CIAPIN1: variants seen among roughly 807,000 people sequenced by gnomAD.
The protein encoded by CIAPIN1 is cytokine induced apoptosis inhibitor 1, also known as anamorsin.
CIAPIN1 carries 18 observed loss-of-function variants against 34.3 expected under a neutral mutation model. That is an observed-to-expected ratio of 0.52 (90% CI 0.36 to 0.78). The LOEUF (loss-of-function observed/expected upper bound fraction) is 0.78, where lower values mean the gene tolerates loss of function less well. CIAPIN1 is among the 30% of genes least tolerant of loss of function. The pLI, the probability that CIAPIN1 is intolerant of heterozygous loss-of-function variation, is 0.00. For missense variants in CIAPIN1, 310 were observed against 372.5 expected (o/e 0.83, Z 1.38); for synonymous variants, 131 against 140.4 (o/e 0.93, Z 0.47).
intron 1 of CIAPIN1, among the ~76,000 whole-genome samples, chr16:57,443,136 T>G (rs1301735652): frequency 6.7e-6 from 1 of 148,510 alleles, no homozygotes; most frequent in East Asian, 1.9e-4. Context: ...TGGTTTTGTT[T>G]TTTTTTTTTT....
intron 1 of CIAPIN1, among the ~76,000 whole-genome samples, 174 bp downstream of exon 1, chr16:57,447,168 T>G (rs2030116849): frequency 6.6e-6 from 1 of 152,026 alleles, no homozygotes; most frequent in Non-Finnish European, 1.5e-5. Context: ...CCCTGGCCCC[T>G]CACACCGACT....
chr16:57,429,464 CA>C (rs1432423621), intron 8 of CIAPIN1, among the ~76,000 whole-genome samples, 184 bp from the exon 9 acceptor site: 1 of 152,066 alleles, frequency 6.6e-6, no homozygotes, highest in East Asian at 1.9e-4. Flanking sequence ...AAACTATAGT[CA>C]TGAAAAGTTC....
intron 1 of CIAPIN1, among the ~76,000 whole-genome samples, chr16:57,444,325 A>C (rs2029972014): frequency 6.6e-6 from 1 of 152,252 alleles, no homozygotes. Context: ...AGATAAAAAT[A>C]AGCAAGGCAC....
chr16:57,442,881 T>C (rs2029900812), intron 1 of CIAPIN1, among the ~76,000 whole-genome samples: 1 of 152,158 alleles, frequency 6.6e-6, no homozygotes, highest in South Asian at 2.1e-4. Flanking sequence ...TGGCTCTACC[T>C]GTATCTCCCA....
chr16:57,431,183 C>T lies in CIAPIN1; in HGVS notation c.714G>A (p.Gly238=), dbSNP rs1244022706. The change falls in exon 7 of 9, where the codon GGG becomes GGA. Residue 238 remains glycine, a synonymous_variant. Transcript: ENST00000394391. ...TACAGGCCTTCCTCTTTTTCCCTTC[C>T]CCACAAGAAGCAGCCCGCAGGGAAG... The part of the protein sequence containing the change: ...DPASLRAASC[G]EGKKRKACKN... 1 of 1,613,694 alleles carries T rather than the reference C, an allele frequency of 6.2e-7. No homozygotes were observed. Among genetic ancestry groups the T allele is most frequent in the Admixed American group, 1.7e-5 (1 of 60,006 alleles).
In CIAPIN1 at chr16:57,440,983, A is replaced by G; in HGVS notation, c.-55T>C. On this transcript the variant is annotated splice_region_variant and 5_prime_UTR_variant, in exon 2 of 9. Transcript: ENST00000394391. ...AACTGCTGGCCAAAAGGGAATCAAGACTGGGCAGAGACAAAGTGCAATTTA... is the reference window on the plus strand; with the variant it reads ...AACTGCTGGCCAAAAGGGAATCAAGGCTGGGCAGAGACAAAGTGCAATTTA... 6.4e-7 allele frequency: 1 copy of G among 1,566,340 alleles called. No homozygotes were observed. The highest frequency in any genetic ancestry group is 8.7e-7 in the Non-Finnish European group (1 of 1,154,428).
Position 57,429,187 on chromosome 16 carries a change from T to TG in CIAPIN1, c.921dup (p.Asn308GlnfsTer4). The TG allele has an allele frequency of 3.1e-6, 5 of 1,612,342 alleles. No homozygotes were observed. The highest frequency in any genetic ancestry group is 4.2e-6 in the Non-Finnish European group (5 of 1,179,632). ...GGAACCTCCTAGGCATCATGAAGATTGCTATCACTCAGAAGCACCTTTTCC... is the reference window on the plus strand; with the variant it reads ...GGAACCTCCTAGGCATCATGAAGATTGGCTATCACTCAGAAGCACCTTTTCC... On this transcript the variant is annotated frameshift_variant, in exon 9 of 9. Transcript: ENST00000394391. LOFTEE classifies it high-confidence loss of function.
At chr16:57,430,088 A>C (rs1903052725) in intron 8 of CIAPIN1, among the ~76,000 whole-genome samples, 170 bp downstream of exon 8, 1 of 151,670 alleles carries the variant, frequency 6.6e-6, no homozygotes, top group Admixed American at 6.6e-5. Flanking sequence ...ACGCTAACCC[A>C]CTCTCACTCT....
chr16:57,436,743 G>C lies in CIAPIN1; in HGVS notation c.311-11C>G. 3 of 1,610,472 alleles carry C rather than the reference G, an allele frequency of 1.9e-6. No individual in the cohort carries two copies. Among genetic ancestry groups the C allele is most frequent in the Non-Finnish European group, 2.5e-6 (3 of 1,177,262 alleles). ...CTTTGCTATTGTTATCTGCCAAAAG[G>C]AAAATCCCAATTAATAGCTTTATAG... On this transcript the variant is annotated splice_polypyrimidine_tract_variant and intron_variant, in intron 3 of 8. Coordinates refer to ENST00000394391, the MANE Select transcript of CIAPIN1 (RefSeq NM_020313.4).
chr16:57,432,395 C>T, intron 6 of CIAPIN1, 92 bp downstream of exon 6: 1 of 1,024,006 alleles, frequency 9.8e-7, no homozygotes, highest in Non-Finnish European at 1.5e-6. Context: ...TAAATACGTT[C>T]ACACCTACAA....
intron 5 of CIAPIN1, 49 bp downstream of exon 5, chr16:57,433,995 G>T: frequency 1.3e-6 from 2 of 1,510,514 alleles, no homozygotes; most frequent in Non-Finnish European, 1.8e-6. Flanking sequence ...TTTCTAACAT[G>T]TCCCTCTAAG....
At chr16:57,435,333 A>T (rs931731044) in intron 4 of CIAPIN1, among the ~76,000 whole-genome samples, 14 of 152,254 alleles carry the variant, frequency 9.2e-5, no homozygotes, top group African/African-American at 3.4e-4. Flanking sequence ...CAGTCTGCAG[A>T]ACAGTGAGCC....
chr16:57,428,788 G>A lies in CIAPIN1; in HGVS notation c.*382C>T, dbSNP rs762679890. The A allele has an allele frequency of 3.1e-5, 5 of 162,050 alleles. No homozygotes were observed. The highest frequency in any genetic ancestry group is 6.7e-5 in the Non-Finnish European group (5 of 74,698). The allele number at this position is 162,050 out of a possible 1,614,324, so 10.0% of individuals were successfully genotyped here. ...TGAAAGACAAGAGGGTGGCAGCATT[G>A]CTGAGATGAGACTCAAGGCAGGGGT... On this transcript the variant is annotated 3_prime_UTR_variant, in exon 9 of 9. Transcript: ENST00000394391.
At chr16:57,429,555 G>T (rs538245253) in intron 8 of CIAPIN1, among the ~76,000 whole-genome samples, 1 of 151,648 alleles carries the variant, frequency 6.6e-6, no homozygotes, top group African/African-American at 2.4e-5. Context: ...GCAGTGGCGC[G>T]ATCTCAGCTC....
intron 7 of CIAPIN1, 133 bp from the exon 8 acceptor site, chr16:57,430,472 C>T: frequency 1.4e-6 from 1 of 727,644 alleles, no homozygotes; most frequent in Admixed American, 2.5e-5. Context: ...ATAGGCCAGG[C>T]AGACAGCAGC....
intron 1 of CIAPIN1, among the ~76,000 whole-genome samples, chr16:57,443,643 C>G (rs528368441): frequency 5.3e-5 from 8 of 152,142 alleles, no homozygotes; most frequent in African/African-American, 1.9e-4. Flanking sequence ...TTTTTAGTAG[C>G]AACAGAGTTG....
In CIAPIN1 at chr16:57,444,408, A is replaced by G. The variant is rs548598904; in HGVS notation, c.-56+2934T>C. ...TCTGGGCTTCCACTTCTCTGTGGCT[A>G]GTTTACCTGCCTTTGCTTCAAGCAG... On this transcript the variant is annotated intron_variant, in intron 1 of 8. Transcript: ENST00000394391. Among the ~76,000 whole-genome samples the G allele has an allele frequency of 9.2e-5, 14 of 152,338 alleles. No individual in the cohort carries two copies. The South Asian group carries it at 2.7e-3, about 29-fold the overall frequency.
intron 3 of CIAPIN1, among the ~76,000 whole-genome samples, chr16:57,437,561 T>A (rs7189779): frequency 0.014 from 2,130 of 152,020 alleles, 49 homozygotes; most frequent in African/African-American, 0.049. Flanking sequence ...TCTCACTTTG[T>A]CACCCAGGCT....
chr16:57,428,357 C>CA lies in CIAPIN1; in HGVS notation c.*812_*813insT, dbSNP rs1376591081. ...TATTGTCGTTCAGAGTTCTGCCCTG[C>CA]TTCCCTCTAAATGCTCACCAACCTG... On this transcript the variant is annotated 3_prime_UTR_variant, in exon 9 of 9. Transcript: ENST00000394391. 2.6e-5 allele frequency: 4 copies of CA among 152,176 alleles called. No homozygotes were observed. Among genetic ancestry groups the CA allele is most frequent in the Non-Finnish European group, 4.4e-5 (3 of 68,040 alleles). The allele number at this position is 152,176 out of a possible 1,614,324, so 9.4% of individuals were successfully genotyped here. A position where few individuals can be genotyped will look rare whatever the true frequency, so the allele number is the denominator to read the frequency against.
Sources: allele counts gnomAD v4.1 joint callset (sites outside exome capture counted in the v4.1 genomes callset), GRCh38; gene constraint gnomAD v4.1.1; transcripts MANE v1.5; gene names NCBI Gene and HGNC (gene_info 2026-07-23, HGNC 2026-07-21).